Variants in IRAK2 observed in about 807,000 individuals in gnomAD.
IRAK2 encodes the protein interleukin-1 receptor-associated kinase-like 2.
A neutral mutation model predicts 72.0 loss-of-function variants in IRAK2; 57 were observed. That is an observed-to-expected ratio of 0.79 (90% CI 0.64 to 0.99). The LOEUF (loss-of-function observed/expected upper bound fraction) is 0.99, where lower values mean the gene tolerates loss of function less well. Ranked by LOEUF, IRAK2 falls within the 50% of genes least tolerant of loss-of-function variation. The pLI is 0.00. For missense variants in IRAK2, 790 were observed against 794.4 expected (o/e 0.99, Z 0.07); for synonymous variants, 293 against 312.7 (o/e 0.94, Z 0.67).
At chr3:10,197,745 G>C (rs539285595) in intron 2 of IRAK2, among the ~76,000 whole-genome samples, 2 of 150,818 alleles carry the variant, frequency 1.3e-5, no homozygotes, top group Non-Finnish European at 3.0e-5. Flanking sequence ...CCAGCTACTC[G>C]GGAGGCTGAG....
chr3:10,226,764 A>T (rs1190474803), intron 10 of IRAK2, among the ~76,000 whole-genome samples: 7 of 151,866 alleles, frequency 4.6e-5, no homozygotes, highest in Non-Finnish European at 1.0e-4. Flanking sequence ...TTAAAAAAAA[A>T]GAAAAGAAAA....
At chr3:10,217,537 A>G (rs890625609) in intron 7 of IRAK2, among the ~76,000 whole-genome samples, 1 of 152,320 alleles carries the variant, frequency 6.6e-6, no homozygotes, top group Non-Finnish European at 1.5e-5. Context: ...TGTTCTTCTA[A>G]TATATACCTA....
intron 12 of IRAK2, among the ~76,000 whole-genome samples, chr3:10,240,252 C>T (rs892803441): frequency 3.3e-5 from 5 of 151,634 alleles, no homozygotes; most frequent in African/African-American, 4.9e-5. Context: ...TTCAGGAGTC[C>T]GAGACCAGTC....
At chr3:10,240,623 G>A (rs1410332595) in intron 12 of IRAK2, among the ~76,000 whole-genome samples, 5 of 123,684 alleles carry the variant, frequency 4.0e-5, no homozygotes, top group African/African-American at 6.3e-5. Context: ...ATAATGGTGT[G>A]ATCTTGGCTT....
At chr3:10,208,152 G>C (rs190404645) in intron 3 of IRAK2, among the ~76,000 whole-genome samples, 2 of 151,882 alleles carry the variant, frequency 1.3e-5, no homozygotes, top group Admixed American at 1.3e-4. Context: ...TGGCTGGTCC[G>C]CACAGAAGCA....
chr3:10,210,899 G>A (rs1468754253), intron 4 of IRAK2, among the ~76,000 whole-genome samples: 1 of 152,048 alleles, frequency 6.6e-6, no homozygotes, highest in Non-Finnish European at 1.5e-5. Context: ...TCGCTCCATT[G>A]CCCAGGCTGG....
chr3:10,232,429 G>C (rs1405398992), intron 10 of IRAK2, among the ~76,000 whole-genome samples: 1 of 152,180 alleles, frequency 6.6e-6, no homozygotes, highest in Non-Finnish European at 1.5e-5. Context: ...ACGGGGCGTA[G>C]CCTGTTGTCC....
At position 10,228,609 on chromosome 3, in the gene IRAK2, A is replaced by AT. The variant is rs547483613; in HGVS notation, c.1272+2182dup. Among the ~76,000 whole-genome samples the AT allele has an allele frequency of 1.8e-3, 268 of 152,286 alleles. 2 individuals are homozygous for AT. Among genetic ancestry groups the AT allele is most frequent in the Non-Finnish European group, 3.0e-3 (202 of 68,020 alleles). ...ATTTCTAAAAATGTGGAAAATAACA[A>AT]TTTTTTAAAATGTAGTTTCTTTCTC... On this transcript the variant is annotated intron_variant, in intron 10 of 12. Transcript: ENST00000256458.
At chr3:10,232,620 C>T (rs1355578363) in intron 10 of IRAK2, among the ~76,000 whole-genome samples, 2 of 152,066 alleles carry the variant, frequency 1.3e-5, no homozygotes, top group East Asian at 3.9e-4. Context: ...TTTTGATTAT[C>T]GTCATAGTCT....
chr3:10,179,017 C>G (rs1696920479), intron 2 of IRAK2, among the ~76,000 whole-genome samples: 1 of 152,174 alleles, frequency 6.6e-6, no homozygotes, highest in Non-Finnish European at 1.5e-5. Flanking sequence ...CTCCTGGTCT[C>G]AAGTGATCCT....
Position 10,217,005 on chromosome 3 carries a change from C to T in IRAK2, c.860C>T (p.Pro287Leu), listed in dbSNP as rs774372155. The T allele has an allele frequency of 6.2e-7, 1 of 1,614,084 alleles. No individual in the cohort carries two copies. The highest frequency in any genetic ancestry group is 1.7e-5 in the Admixed American group (1 of 60,004). Residue 287 changes from proline to leucine, a missense_variant, in exon 7 of 13, where the codon CCC becomes CTC. Coordinates refer to ENST00000256458, the MANE Select transcript of IRAK2 (RefSeq NM_001570.4). ...AGACAGTTTCACAGCTTCATCTACC[C>T]CTACATGGCAAATGGTTCCCTACAG... ...AARQFHSFIY[P>L]YMANGSLQDR...
intron 7 of IRAK2, among the ~76,000 whole-genome samples, chr3:10,218,145 T>C (rs529365729): frequency 1.1e-4 from 17 of 152,230 alleles, no homozygotes; most frequent in Admixed American, 3.9e-4. Context: ...GTGATGAGGC[T>C]GGGCACAGTG....
In IRAK2 at chr3:10,200,519, T is replaced by C; in HGVS notation, c.424+4T>C. 2 of 1,546,778 alleles carry C rather than the reference T, an allele frequency of 1.3e-6. No homozygotes were observed. The highest frequency in any genetic ancestry group is 8.7e-7 in the Non-Finnish European group (1 of 1,144,292). On this transcript the variant is annotated splice_donor_region_variant and intron_variant, in intron 3 of 12. Transcript: ENST00000256458. The stretch of plus-strand genomic sequence containing the variant: ...ATGGCCACCTTTCCAGGCCCAGGTA[T>C]TTTAAATTTAACTTTTTTACTTAAA...
intron 2 of IRAK2, among the ~76,000 whole-genome samples, chr3:10,185,363 G>A (rs534765246): frequency 2.3e-4 from 35 of 150,600 alleles, no homozygotes; most frequent in Non-Finnish European, 2.1e-4. Context: ...TTCGGGACCA[G>A]CCTGACCAAC....
At chr3:10,175,890 C>CAAAAAAAAAA (rs59718922) in intron 1 of IRAK2, among the ~76,000 whole-genome samples, 2 of 53,696 alleles carry the variant, frequency 3.7e-5, no homozygotes, top group Non-Finnish European at 7.0e-5. Flanking sequence ...GACTCCGTCT[C>CAAAAAAAAAA]AAAAAAAAAA....
chr3:10,227,728 G>A (rs1697802151), intron 10 of IRAK2, among the ~76,000 whole-genome samples: 1 of 151,454 alleles, frequency 6.6e-6, no homozygotes, highest in African/African-American at 2.4e-5. Flanking sequence ...CAGTGCAGTG[G>A]TGCAATCTCG....
At chr3:10,214,345 C>A (rs1253580981) in intron 6 of IRAK2, among the ~76,000 whole-genome samples, 2 of 151,316 alleles carry the variant, frequency 1.3e-5, no homozygotes, top group Non-Finnish European at 1.5e-5. Context: ...CCCACCTCAG[C>A]CTCTGAGAAG....
Position 10,238,948 on chromosome 3 carries a change from A to G in IRAK2, c.1674A>G (p.Thr558=). ...WAGAATPLLP[T]ENGEGRLRVI... ...GGGCTGCCACCCCACTTCTCCCCAC[A>G]GAGAATGGGGAAGGAAGGCTGCGGG... The change falls in exon 12 of 13, where the codon ACA becomes ACG. Residue 558 remains threonine, a synonymous_variant. Coordinates refer to ENST00000256458, the MANE Select transcript of IRAK2 (RefSeq NM_001570.4). 1 of 1,613,856 alleles carries G rather than the reference A, an allele frequency of 6.2e-7. No individual in the cohort carries two copies. The highest frequency in any genetic ancestry group is 1.1e-5 in the South Asian group (1 of 91,072).
In IRAK2 at chr3:10,211,337, TC is replaced by T. The variant is rs554653849; in HGVS notation, c.528+1646del. 1.7e-3 allele frequency among the ~76,000 whole-genome samples: 261 copies of T among 152,226 alleles called. 1 individual carries two copies. Among genetic ancestry groups the T allele is most frequent in the African/African-American group, 5.9e-3 (243 of 41,536 alleles). ...TTGTATTTTTAGTAGAGACACGGTT[TC>T]ACCATATTGCCCAGGCTGGTCTTGA... On this transcript the variant is annotated intron_variant, in intron 4 of 12. Coordinates refer to ENST00000256458, the MANE Select transcript of IRAK2 (RefSeq NM_001570.4).
Sources: allele counts gnomAD v4.1 joint callset (sites outside exome capture counted in the v4.1 genomes callset), GRCh38; gene constraint gnomAD v4.1.1; transcripts MANE v1.5; gene names NCBI Gene and HGNC (gene_info 2026-07-23, HGNC 2026-07-21).